EPB41: variants seen among roughly 807,000 people sequenced by gnomAD.
EPB41 encodes the protein protein 4.1.
EPB41 carries 65 observed loss-of-function variants against 108.0 expected under a neutral mutation model. That is an observed-to-expected ratio of 0.60 (90% confidence interval 0.49 to 0.74). The LOEUF is 0.74. Ranked by LOEUF, EPB41 falls within the 30% of genes least tolerant of loss-of-function variation. The probability of loss-of-function intolerance (pLI) is 0.00; values close to 1 mark genes in which losing one functional copy is unlikely to be tolerated. For synonymous variants in EPB41, 336 were observed against 358.9 expected (o/e 0.94, Z 0.72); for missense variants, 875 against 1,037.0 (o/e 0.84, Z 2.15).
chr1:28,921,493 A>C (rs2093064709), intron 1 of EPB41, among the ~76,000 whole-genome samples: 1 of 152,062 alleles, frequency 6.6e-6, no homozygotes. Context: ...AAGCCCTCAA[A>C]TTTTACCTGC....
chr1:29,082,079 G>A (rs949544378), intron 16 of EPB41, among the ~76,000 whole-genome samples: 4 of 152,138 alleles, frequency 2.6e-5, no homozygotes, highest in Non-Finnish European at 5.9e-5. Context: ...GCTGTCTGTT[G>A]CATTGGTTCT....
intron 1 of EPB41, among the ~76,000 whole-genome samples, chr1:28,963,385 G>GTGTGTGTGTC (rs1433260136): frequency 4.0e-5 from 6 of 150,442 alleles, no homozygotes; most frequent in African/African-American, 1.5e-4. Context: ...GTGTGTGTCT[G>GTGTGTGTGTC]TGTGTGATTT....
chr1:28,896,772 C>T (rs2090710843), intron 1 of EPB41, among the ~76,000 whole-genome samples: 2 of 152,044 alleles, frequency 1.3e-5, no homozygotes, highest in African/African-American at 2.4e-5. Context: ...AGGAACTGTC[C>T]AGGTGAGAGA....
chr1:28,898,500 T>C (rs977724618), intron 1 of EPB41, among the ~76,000 whole-genome samples: 2 of 152,212 alleles, frequency 1.3e-5, no homozygotes, highest in Non-Finnish European at 2.9e-5. Context: ...GAGGCTTCAA[T>C]GAGATAATCT....
intron 1 of EPB41, among the ~76,000 whole-genome samples, chr1:28,898,377 G>C (rs1372138818): frequency 6.6e-6 from 1 of 152,034 alleles, no homozygotes; most frequent in African/African-American, 2.4e-5. Flanking sequence ...TGGCTGCCCT[G>C]CCAGCCCTGC....
intron 1 of EPB41, among the ~76,000 whole-genome samples, chr1:28,925,078 G>A (rs895154265): frequency 3.3e-5 from 5 of 149,710 alleles, no homozygotes; most frequent in Admixed American, 2.0e-4. Context: ...CTTTTCCCCC[G>A]CCTCAGCCTC....
intron 12 of EPB41, among the ~76,000 whole-genome samples, chr1:29,057,570 G>A (rs1046481277): frequency 1.3e-5 from 2 of 151,992 alleles, no homozygotes; most frequent in African/African-American, 4.8e-5. Flanking sequence ...ATGCTGCTTA[G>A]TGTGATTAAA....
At chr1:29,112,588 C>CA in intron 19 of EPB41, 140 bp downstream of exon 19, 1 of 717,856 alleles carries the variant, frequency 1.4e-6, no homozygotes, top group South Asian at 1.5e-5. Flanking sequence ...AAGACAAAGA[C>CA]AATCAAAGTA....
chr1:28,956,809 A>G (rs886661735), intron 1 of EPB41, among the ~76,000 whole-genome samples: 18 of 152,234 alleles, frequency 1.2e-4, no homozygotes, highest in Non-Finnish European at 2.4e-4. Context: ...CTTACCTTCA[A>G]AGAGCTTGCA....
intron 7 of EPB41, among the ~76,000 whole-genome samples, chr1:29,023,614 G>T (rs1294718096): frequency 6.6e-6 from 1 of 151,768 alleles, no homozygotes; most frequent in East Asian, 1.9e-4. Context: ...TTGAACTCGG[G>T]AGGCAGAGGT....
intron 2 of EPB41, among the ~76,000 whole-genome samples, chr1:28,992,736 TG>T (rs1258107694): frequency 6.6e-6 from 1 of 152,176 alleles, no homozygotes; most frequent in Non-Finnish European, 1.5e-5. Context: ...CGGTATTATT[TG>T]GGGATAATTT....
intron 12 of EPB41, among the ~76,000 whole-genome samples, chr1:29,057,651 G>T (rs894376677): frequency 7.2e-5 from 11 of 152,162 alleles, no homozygotes; most frequent in South Asian, 2.1e-4. Flanking sequence ...TTAGCCCTTA[G>T]TAAAAATAAT....
chr1:28,998,402 C>A (rs982041478), intron 4 of EPB41, among the ~76,000 whole-genome samples: 1 of 152,062 alleles, frequency 6.6e-6, no homozygotes, highest in Non-Finnish European at 1.5e-5. Context: ...AGTGGGGAAT[C>A]GTGGAGAGAG....
At chr1:29,068,712 A>T (rs900823602) in intron 16 of EPB41, 12 of 1,230,910 alleles carry the variant, frequency 9.7e-6, no homozygotes, top group Non-Finnish European at 1.1e-5. Flanking sequence ...ACTGAATTTT[A>T]TATAATTTGT....
chr1:29,053,137 G>A lies in EPB41; in HGVS notation c.1670G>A (p.Arg557Gln), dbSNP rs201952060. 44 of 1,614,004 alleles carry A rather than the reference G, an allele frequency of 2.7e-5. No homozygotes were observed. In the East Asian group the frequency reaches 6.9e-4, roughly 25 times the overall value. ...GTCGATTCGGCAGACCGAAGTCCTC[G>A]GCCCACTTCTGCACCTGCCATTACT... ...AAVDSADRSP[R>Q]PTSAPAITQG... is the part of the protein sequence containing the mutation. Residue 557 changes from arginine (R) to glutamine (Q), a missense_variant, in exon 12 of 21, where the codon CGG becomes CAG. Around this residue, in one of 3 missense-constraint regions of EPB41, gnomAD observed 519 missense variants for 627.3 expected, o/e 0.83. Coordinates refer to ENST00000343067, the MANE Select transcript of EPB41 (RefSeq NM_001376013.1).
chr1:28,904,294 A>G (rs1415859513), intron 1 of EPB41, among the ~76,000 whole-genome samples: 3 of 151,308 alleles, frequency 2.0e-5, no homozygotes, highest in African/African-American at 7.3e-5. Context: ...TAAATGTGTG[A>G]TGGATGAAGA....
intron 16 of EPB41, chr1:29,072,496 T>C (rs973431813): frequency 5.9e-5 from 9 of 152,244 alleles, no homozygotes; most frequent in African/African-American, 2.2e-4. Context: ...TTTTATTAAT[T>C]ACTATTGTAA....
intron 1 of EPB41, among the ~76,000 whole-genome samples, chr1:28,960,505 A>T (rs1397838406): frequency 6.8e-6 from 1 of 146,548 alleles, no homozygotes; most frequent in Non-Finnish European, 1.5e-5. Flanking sequence ...AGGTGGGAGG[A>T]TCACTTGAGC....
chr1:28,891,219 T>G (rs157226), intron 1 of EPB41, among the ~76,000 whole-genome samples: 13,458 of 152,230 alleles, frequency 0.088, 666 homozygotes, highest in South Asian at 0.14. Context: ...CCTTGACCCC[T>G]GGGTTAGTGG....
Sources: gnomAD v4.1 joint callset for allele counts (sites outside exome capture counted in the v4.1 genomes callset) on GRCh38, gnomAD v4.1.1 for gene constraint, gnomAD v4.1.1 regional missense constraint, MANE v1.5 for transcripts, NCBI Gene and HGNC (gene_info 2026-07-23, HGNC 2026-07-21) for gene names.